PLPPR1: variants seen among roughly 807,000 people sequenced by gnomAD.
The protein encoded by PLPPR1 is phospholipid phosphatase related 1, also known as phospholipid phosphatase-related protein type 1.
In PLPPR1, 10 loss-of-function variants were observed where a neutral mutation model predicts 33.1. That is an observed-to-expected ratio of 0.30 (90% CI 0.19 to 0.51). The LOEUF (loss-of-function observed/expected upper bound fraction) is 0.51, where lower values mean the gene tolerates loss of function less well. Ranked by LOEUF, PLPPR1 falls within the 20% of genes least tolerant of loss-of-function variation. The pLI, the probability that PLPPR1 is intolerant of heterozygous loss-of-function variation, is 0.97. For synonymous variants in PLPPR1, 151 were observed against 151.0 expected, an observed-to-expected ratio of 1.00 and a Z score of 0.00; for missense variants, 304 against 408.1, an observed-to-expected ratio of 0.74 and a Z score of 2.20.
chr9:101,239,085 G>A lies in PLPPR1; in HGVS notation c.64-30795G>A, dbSNP rs150776150. ...AGTGTGTGTGTGTGTGTGTGTGTGT[G>A]TGTACATATATACCATATTTTCTTT... On this transcript the variant is annotated intron_variant, in intron 2 of 7. Transcript: ENST00000374874. Among the ~76,000 whole-genome samples, 1,482 of 148,608 alleles carry A rather than the reference G, an allele frequency of 1.0e-2. 12 individuals carry two copies. The highest frequency in any genetic ancestry group is 0.017 in the Non-Finnish European group (1,114 of 66,964).
intron 1 of PLPPR1, among the ~76,000 whole-genome samples, chr9:101,100,591 A>C (rs1315774359): frequency 6.6e-6 from 1 of 152,018 alleles, no homozygotes; most frequent in Non-Finnish European, 1.5e-5. Context: ...ATTTTAGAAC[A>C]CACACTTTTA....
intron 1 of PLPPR1, among the ~76,000 whole-genome samples, chr9:101,059,176 A>G (rs1375247760): frequency 1.3e-5 from 2 of 152,062 alleles, no homozygotes; most frequent in Non-Finnish European, 2.9e-5. Flanking sequence ...GAAGCATATG[A>G]TTTTCAGATG....
rs1200611217 is a variant in PLPPR1, at chr9:101,104,043, T to C, written c.-46+74941T>C. 2.9e-4 allele frequency among the ~76,000 whole-genome samples: 2 copies of C among 6,852 alleles called. 1 individual carries two copies. Among genetic ancestry groups the C allele is most frequent in the East Asian group, 0.029 (2 of 70 alleles). 4.5% of individuals were successfully genotyped at this position (6,852 alleles called of 152,430 possible). The stretch of plus-strand genomic sequence containing the variant: ...AGTTGCTTATCAGCTTAAGGAGATT[T>C]TGGGCTGAGACGATGGGGTTTTCTA... On this transcript the variant is annotated intron_variant, in intron 1 of 7. Transcript: ENST00000374874.
intron 1 of PLPPR1, among the ~76,000 whole-genome samples, chr9:101,043,360 T>TGTATATACATATGTATATAC (rs1223869000): frequency 4.3e-4 from 66 of 151,794 alleles, no homozygotes; most frequent in African/African-American, 1.5e-3. Context: ...TGTATGTGTA[T>TGTATATACATATGTATATAC]GTATATACAT....
At chr9:101,202,966 T>C (rs560699374) in intron 2 of PLPPR1, among the ~76,000 whole-genome samples, 6 of 152,328 alleles carry the variant, frequency 3.9e-5, no homozygotes, top group Admixed American at 2.6e-4. Flanking sequence ...TAGCTGCCTC[T>C]GCAGTAATGC....
chr9:101,226,015 G>A (rs2118804504), intron 2 of PLPPR1, among the ~76,000 whole-genome samples: 1 of 152,108 alleles, frequency 6.6e-6, no homozygotes, highest in South Asian at 2.1e-4. Flanking sequence ...CTGACCTCAT[G>A]TCTCCTGACT....
chr9:101,281,218 G>A (rs1828297287), intron 3 of PLPPR1, among the ~76,000 whole-genome samples: 1 of 151,928 alleles, frequency 6.6e-6, no homozygotes. Flanking sequence ...TCAAATAAGT[G>A]AAAGAGCTCT....
intron 1 of PLPPR1, among the ~76,000 whole-genome samples, chr9:101,125,248 C>A (rs961612036): frequency 6.7e-6 from 1 of 150,306 alleles, no homozygotes; most frequent in Admixed American, 6.6e-5. Flanking sequence ...CTGCAAGTCC[C>A]TATCTCTATT....
intron 1 of PLPPR1, among the ~76,000 whole-genome samples, chr9:101,147,879 A>G (rs921357003): frequency 7.9e-5 from 12 of 152,168 alleles, no homozygotes; most frequent in Admixed American, 3.3e-4. Context: ...AATGCCCAGG[A>G]GTGTTCTGAC....
At chr9:101,312,452 AT>A (rs1288741884) in intron 5 of PLPPR1, among the ~76,000 whole-genome samples, 6 of 152,134 alleles carry the variant, frequency 3.9e-5, no homozygotes, top group African/African-American at 1.4e-4. Context: ...TCTCATATGG[AT>A]TTCTTATACC....
At chr9:101,096,775 G>A (rs142904312) in intron 1 of PLPPR1, among the ~76,000 whole-genome samples, 1 of 152,148 alleles carries the variant, frequency 6.6e-6, no homozygotes, top group Non-Finnish European at 1.5e-5. Context: ...ATGGTTTTTA[G>A]AAAAGCTGGC....
At chr9:101,252,092 A>T (rs1225740557) in intron 2 of PLPPR1, among the ~76,000 whole-genome samples, 1 of 152,156 alleles carries the variant, frequency 6.6e-6, no homozygotes, top group Non-Finnish European at 1.5e-5. Context: ...TCACCCTGCT[A>T]ATGCAATGCC....
At chr9:101,200,602 A>G (rs1826474776) in intron 2 of PLPPR1, among the ~76,000 whole-genome samples, 1 of 152,170 alleles carries the variant, frequency 6.6e-6, no homozygotes, top group South Asian at 2.1e-4. Context: ...ATTAAAACTA[A>G]GTCAGTGTAG....
At chr9:101,137,040 C>G (rs1055174574) in intron 1 of PLPPR1, among the ~76,000 whole-genome samples, 11 of 152,030 alleles carry the variant, frequency 7.2e-5, no homozygotes, top group African/African-American at 2.4e-4. Flanking sequence ...GATGGATACC[C>G]CATTTACCAG....
chr9:101,098,933 G>T (rs1184957411), intron 1 of PLPPR1, among the ~76,000 whole-genome samples: 1 of 152,076 alleles, frequency 6.6e-6, no homozygotes, highest in African/African-American at 2.4e-5. Flanking sequence ...GCGTTTAAAG[G>T]CTGTCCTCGA....
At chr9:101,174,549 TG>T (rs1178970180) in intron 1 of PLPPR1, among the ~76,000 whole-genome samples, 4 of 152,170 alleles carry the variant, frequency 2.6e-5, no homozygotes, top group Non-Finnish European at 5.9e-5. Context: ...ACTGATCATG[TG>T]GCTCTGACTT....
chr9:101,209,594 G>A (rs1826652974), intron 2 of PLPPR1, among the ~76,000 whole-genome samples: 1 of 152,178 alleles, frequency 6.6e-6, no homozygotes, highest in Non-Finnish European at 1.5e-5. Flanking sequence ...AATCACATGA[G>A]GGACTGATGT....
rs141477983 is a variant in PLPPR1 at position 101,183,412 on chromosome 9, T to C, written c.-45-2038T>C. On this transcript the variant is annotated intron_variant, in intron 1 of 7. Coordinates refer to ENST00000374874, the MANE Select transcript of PLPPR1 (RefSeq NM_207299.2). ...GAAGAAATGCAGAAATAAGAGGTCG[T>C]GTATTATATTATTCTATTCATTTAA... Among the ~76,000 whole-genome samples the C allele has an allele frequency of 6.1e-4, 92 of 151,894 alleles. 1 individual carries two copies. In the East Asian group the frequency reaches 0.014, roughly 23 times the overall value.
At chr9:101,059,641 A>ATTC (rs1830319971) in intron 1 of PLPPR1, among the ~76,000 whole-genome samples, 1 of 152,156 alleles carries the variant, frequency 6.6e-6, no homozygotes, top group African/African-American at 2.4e-5. Context: ...TAATCAAATT[A>ATTC]AAAAATGGGC....
Sources: gnomAD v4.1 joint callset for allele counts (sites outside exome capture counted in the v4.1 genomes callset) on GRCh38, gnomAD v4.1.1 for gene constraint, MANE v1.5 for transcripts, NCBI Gene and HGNC (gene_info 2026-07-23, HGNC 2026-07-21) for gene names.